Variants in NGEF observed in about 807,000 individuals in gnomAD.
The protein encoded by NGEF is neuronal guanine nucleotide exchange factor.
In NGEF, 31 loss-of-function variants were observed where a neutral mutation model predicts 80.9. The observed-to-expected ratio is 0.38, with a 90% CI of 0.29 to 0.52. The LOEUF is 0.52. NGEF is among the 20% of genes least tolerant of loss of function. The probability of loss-of-function intolerance (pLI) is 0.84; values close to 1 mark genes in which losing one functional copy is unlikely to be tolerated. For synonymous variants in NGEF, 371 were observed against 370.2 expected (o/e 1.00, Z -0.03); for missense variants, 709 against 926.2 (o/e 0.77, Z 3.04).
intron 3 of NGEF, among the ~76,000 whole-genome samples, chr2:232,942,725 A>G (rs1358054635): frequency 6.6e-6 from 1 of 151,612 alleles, no homozygotes; most frequent in Non-Finnish European, 1.5e-5. Flanking sequence ...AAATACAAAA[A>G]TTAGCGCGTG....
At chr2:232,899,677 C>A (rs1306630955) in intron 5 of NGEF, among the ~76,000 whole-genome samples, 1 of 141,968 alleles carries the variant, frequency 7.0e-6, no homozygotes, top group Non-Finnish European at 1.5e-5. Context: ...CATGCTCTCA[C>A]AGTCACTCAT....
chr2:232,999,059 C>T (rs1694917312), intron 1 of NGEF, among the ~76,000 whole-genome samples: 1 of 152,020 alleles, frequency 6.6e-6, no homozygotes, highest in South Asian at 2.1e-4. Context: ...TTCTAACATC[C>T]CCCATCTTTC....
At position 232,891,430 on chromosome 2, in the gene NGEF, G is replaced by A. The variant is rs1466526590; in HGVS notation, c.1200C>T (p.Cys400=). 2 of 1,613,474 alleles carry A rather than the reference G, an allele frequency of 1.2e-6. No homozygotes were observed. The highest frequency in any genetic ancestry group is 1.7e-6 in the Non-Finnish European group (2 of 1,179,966). Residue 400 remains cysteine, a synonymous_variant, in exon 8 of 15, where the codon TGC becomes TGT. Transcript: ENST00000264051. The stretch of plus-strand genomic sequence containing the variant: ...GGAAGGAGGAGAAGGGCAGCCCCCT[G>A]CACTTGGGGTCGAGCTCTAGCTGCG... ...LIAQLELDPK[C]RGLPFSSFLI...
chr2:232,886,213 T>C (rs1274751388), intron 9 of NGEF, among the ~76,000 whole-genome samples: 1 of 78,794 alleles, frequency 1.3e-5, no homozygotes, highest in African/African-American at 5.1e-5. Context: ...CTATGCATAC[T>C]GTGTGTGATA....
At chr2:232,918,628 GTT>G (rs752153408) in intron 5 of NGEF, among the ~76,000 whole-genome samples, 4,028 of 107,376 alleles carry the variant, frequency 0.038, 108 homozygotes, top group East Asian at 0.21. Flanking sequence ...TTATTTCTAA[GTT>G]TTTTTTTTTT....
chr2:232,996,660 C>T (rs993301215), intron 1 of NGEF, among the ~76,000 whole-genome samples: 2 of 152,044 alleles, frequency 1.3e-5, no homozygotes, highest in African/African-American at 4.8e-5. Context: ...ACGCCTGGCT[C>T]ATTTTTGTGT....
intron 1 of NGEF, among the ~76,000 whole-genome samples, chr2:232,983,823 G>T (rs1694484421): frequency 6.6e-6 from 1 of 152,178 alleles, no homozygotes; most frequent in African/African-American, 2.4e-5. Context: ...CTCTTTTAGA[G>T]ACGAGAATGC....
chr2:233,002,834 A>G (rs1216167047), intron 1 of NGEF, among the ~76,000 whole-genome samples: 1 of 152,196 alleles, frequency 6.6e-6, no homozygotes, highest in Non-Finnish European at 1.5e-5. Context: ...TGGCAGCAAC[A>G]GCATTTGTGA....
chr2:232,885,962 G>A (rs905581665), intron 9 of NGEF, among the ~76,000 whole-genome samples: 1 of 152,250 alleles, frequency 6.6e-6, no homozygotes, highest in Non-Finnish European at 1.5e-5. Flanking sequence ...GATTAAAATA[G>A]TTATGATCTA....
chr2:232,943,855 GA>G (rs1311193600), intron 3 of NGEF, among the ~76,000 whole-genome samples: 1 of 151,964 alleles, frequency 6.6e-6, no homozygotes, highest in African/African-American at 2.4e-5. Context: ...AAACTCAGAG[GA>G]AACAGACACT....
At chr2:232,999,512 TC>T (rs1383926312) in intron 1 of NGEF, among the ~76,000 whole-genome samples, 1 of 152,326 alleles carries the variant, frequency 6.6e-6, no homozygotes, top group East Asian at 1.9e-4. Context: ...CCTATTTTAT[TC>T]AAGTGAAGTC....
chr2:232,920,353 C>T lies in NGEF; in HGVS notation c.759G>A (p.Gln253=), dbSNP rs1692912773. 1.2e-6 allele frequency: 2 copies of T among 1,614,206 alleles called. No individual in the cohort carries two copies. The highest frequency in any genetic ancestry group is 1.7e-6 in the Non-Finnish European group (2 of 1,180,024). The part of the protein sequence containing the change: ...SNPHSRFNLW[Q]DLPEIRSSGV... ...CGCTGCTCCGGATCTCGGGAAGATC[C>T]TGCCAGAGGTTGAACCTTGAGTGGG... Residue 253 remains glutamine, a synonymous_variant, in exon 5 of 15, where the codon CAG becomes CAA. Coordinates refer to ENST00000264051, the MANE Select transcript of NGEF (RefSeq NM_019850.3).
chr2:233,000,071 C>A (rs1694937355), intron 1 of NGEF, among the ~76,000 whole-genome samples: 1 of 152,188 alleles, frequency 6.6e-6, no homozygotes, highest in South Asian at 2.1e-4. Context: ...TGGCCAGGCT[C>A]TGGTGAGGGC....
chr2:232,901,925 G>A (rs1692368841), intron 5 of NGEF, among the ~76,000 whole-genome samples: 1 of 152,256 alleles, frequency 6.6e-6, no homozygotes, highest in Non-Finnish European at 1.5e-5. Flanking sequence ...GAGCTATCAG[G>A]GCCACCTGGG....
chr2:232,924,497 C>T (rs1047518581), intron 4 of NGEF, among the ~76,000 whole-genome samples: 3 of 152,020 alleles, frequency 2.0e-5, no homozygotes, highest in Non-Finnish European at 2.9e-5. Flanking sequence ...AAGATACTGG[C>T]CAAGGAGAGT....
At chr2:232,907,565 C>G (rs1248252963) in intron 5 of NGEF, among the ~76,000 whole-genome samples, 2 of 152,192 alleles carry the variant, frequency 1.3e-5, no homozygotes, top group Non-Finnish European at 2.9e-5. Context: ...CACACTGAAG[C>G]CTGCGTGCTC....
At chr2:232,981,967 G>C (rs1007421357) in intron 1 of NGEF, among the ~76,000 whole-genome samples, 6 of 152,132 alleles carry the variant, frequency 3.9e-5, no homozygotes, top group African/African-American at 1.4e-4. Context: ...GGGGCCACCA[G>C]AGGGAAAAAA....
chr2:232,907,906 C>T (rs911983167), intron 5 of NGEF, among the ~76,000 whole-genome samples: 6 of 152,076 alleles, frequency 3.9e-5, no homozygotes, highest in Non-Finnish European at 7.4e-5. Flanking sequence ...GTCAAGAGTT[C>T]GACACCAGCT....
intron 3 of NGEF, among the ~76,000 whole-genome samples, chr2:232,947,949 G>T (rs1167016963): frequency 6.6e-6 from 1 of 152,118 alleles, no homozygotes. Context: ...AAAACGTATT[G>T]ACACATACTT....
Sources: gnomAD v4.1 joint callset for allele counts (sites outside exome capture counted in the v4.1 genomes callset) on GRCh38, gnomAD v4.1.1 for gene constraint, MANE v1.5 for transcripts, NCBI Gene and HGNC (gene_info 2026-07-23, HGNC 2026-07-21) for gene names.